Variants in GALNT15 observed in about 807,000 individuals in gnomAD.
GALNT15 encodes the protein UDP-GalNAc transferase T15.
In GALNT15, 67 loss-of-function variants were observed where a neutral mutation model predicts 66.8. The ratio of observed to expected loss-of-function variants is 1.00; its 90% CI spans 0.82 to 1.23. The LOEUF (loss-of-function observed/expected upper bound fraction) is 1.23, where lower values mean the gene tolerates loss of function less well. Ranked by LOEUF, GALNT15 falls within the 50% of genes most tolerant of loss-of-function variation. GALNT15 has a pLI of 0.00. For missense variants in GALNT15, 827 were observed against 804.3 expected (o/e 1.03, Z -0.34); for synonymous variants, 313 against 311.5 (o/e 1.00, Z -0.05).
At position 16,229,482 on chromosome 3, in the gene GALNT15, T is replaced by C. The variant is rs896115132; in HGVS notation, c.*1982T>C. ...TTCTGTTGGACCAATCTAGATAGATTCATTATCCCATCTAGAGAAGAGACT... is the reference window on the plus strand; with the variant it reads ...TTCTGTTGGACCAATCTAGATAGATCCATTATCCCATCTAGAGAAGAGACT... On this transcript the variant is annotated 3_prime_UTR_variant, in exon 10 of 10. Coordinates refer to ENST00000339732, the MANE Select transcript of GALNT15 (RefSeq NM_054110.5). The C allele has an allele frequency of 4.9e-5, 48 of 983,730 alleles. No individual in the cohort carries two copies. Among genetic ancestry groups the C allele is most frequent in the Non-Finnish European group, 5.8e-5 (48 of 828,458 alleles). 60.9% of individuals were successfully genotyped at this position (983,730 alleles called of 1,614,324 possible).
At position 16,211,299 on chromosome 3, in the gene GALNT15, A is replaced by G; in HGVS notation, c.1197+58A>G. The stretch of plus-strand genomic sequence containing the variant: ...GATCTCTGGAGTGGTGTGTATGGTC[A>G]CAGCTCAGAGGCAGGCATTAGAAAT... On this transcript the variant is annotated intron_variant, in intron 5 of 9. Coordinates refer to ENST00000339732, the MANE Select transcript of GALNT15 (RefSeq NM_054110.5). The surrounding 1 kb of genome is among the most constrained non-coding windows in gnomAD (Gnocchi z 4.3). 9.2e-7 allele frequency: 1 copy of G among 1,083,890 alleles called. No homozygotes were observed. Among genetic ancestry groups the G allele is most frequent in the South Asian group, 1.3e-5 (1 of 78,858 alleles). The allele number at this position is 1,083,890 out of a possible 1,614,324, so 67.1% of individuals were successfully genotyped here. A position where few individuals can be genotyped will look rare whatever the true frequency, so the allele number is the denominator to read the frequency against.
intron 4 of GALNT15, among the ~76,000 whole-genome samples, chr3:16,210,386 C>T (rs2063800250): frequency 6.6e-6 from 1 of 152,166 alleles, no homozygotes; most frequent in African/African-American, 2.4e-5. Context: ...TAATGCATTA[C>T]TATTTCTTTG....
At chr3:16,244,766 G>C in the GALNT15 span, among the ~76,000 whole-genome samples, 1 of 152,212 alleles carries the variant, frequency 6.6e-6, no homozygotes, top group Admixed American at 6.5e-5. Context: ...TAATATTCCA[G>C]ATATGAGCCA....
At chr3:16,221,075 T>A (rs2063937143) in intron 8 of GALNT15, among the ~76,000 whole-genome samples, 1 of 152,224 alleles carries the variant, frequency 6.6e-6, no homozygotes, top group African/African-American at 2.4e-5. Context: ...CTCTCTCATT[T>A]TCTAGCTGTG....
In GALNT15 at chr3:16,209,680, G is replaced by C. The variant is rs2063792803; in HGVS notation, c.1079+1010G>C. Among the ~76,000 whole-genome samples, 2 of 152,038 alleles carry C rather than the reference G, an allele frequency of 1.3e-5. No homozygotes were observed. Among genetic ancestry groups the C allele is most frequent in the Admixed American group, 6.6e-5 (1 of 15,266 alleles). On this transcript the variant is annotated intron_variant, in intron 4 of 9. Transcript: ENST00000339732. The surrounding 1 kb of genome is among the most constrained non-coding windows in gnomAD (Gnocchi z 4.1). ...TAAAATTACAAAAAAAAATTAGCTG[G>C]GCATGGTAGCACACTCCTGTAGTCC...
At position 16,222,712 on chromosome 3, in the gene GALNT15, C is replaced by G. The variant is rs372848556; in HGVS notation, c.1727C>G (p.Thr576Arg). Reference sequence around the variant, plus strand: ...GAGCAGGTGATTCTTCAGAACTGCACGGAGGAAGGCCTGGCCATCCACCAG... The same window carrying G: ...GAGCAGGTGATTCTTCAGAACTGCAGGGAGGAAGGCCTGGCCATCCACCAG... ...RQEQVILQNCTEEGLAIHQQH... is the reference protein window; with the variant it reads ...RQEQVILQNCREEGLAIHQQH... Residue 576 changes from threonine to arginine, a missense_variant, in exon 9 of 10, where the codon ACG becomes AGG. Physicochemically the swap from Thr to Arg is moderately conservative, Grantham distance 71. Transcript: ENST00000339732. 6.2e-7 allele frequency: 1 copy of G among 1,614,208 alleles called. No individual in the cohort carries two copies. The highest frequency in any genetic ancestry group is 1.3e-5 in the African/African-American group (1 of 75,056).
chr3:16,196,011 A>G lies in GALNT15; in HGVS notation c.706+85A>G, dbSNP rs1180113692. 3 of 1,421,786 alleles carry G rather than the reference A, an allele frequency of 2.1e-6. No homozygotes were observed. In the Admixed American group the frequency reaches 5.9e-5, roughly 28 times the overall value. 88.1% of individuals were successfully genotyped at this position (1,421,786 alleles called of 1,614,324 possible). ...TCTCAAGCAAAAGATTGAAGTTTGG[A>G]ACTATTTTAGGCAAGATTCCCCAAC... On this transcript the variant is annotated intron_variant, in intron 2 of 9. Coordinates refer to ENST00000339732, the MANE Select transcript of GALNT15 (RefSeq NM_054110.5).
chr3:16,216,310 CAACA>C lies in GALNT15; in HGVS notation c.1393-3092_1393-3089del, dbSNP rs541860326. On this transcript the variant is annotated intron_variant, in intron 6 of 9. Coordinates refer to ENST00000339732, the MANE Select transcript of GALNT15 (RefSeq NM_054110.5). ...ACCAGGAGCTCAAGACCAGCCTGGG[CAACA>C]TGGTGAAACCTTGTGTCTACAAAAA... Among the ~76,000 whole-genome samples the C allele has an allele frequency of 2.0e-3, 300 of 152,212 alleles. 2 individuals carry two copies. Among genetic ancestry groups the C allele is most frequent in the Middle Eastern group, 0.014 (4 of 294 alleles).
chr3:16,227,220 C>A lies in GALNT15; in HGVS notation c.1774-134C>A. ...TTTATATTTTATGTTGATCAAAATA[C>A]CACAATTCCTTTCCAGGCCAGTTCA... On this transcript the variant is annotated intron_variant, in intron 9 of 9. Coordinates refer to ENST00000339732, the MANE Select transcript of GALNT15 (RefSeq NM_054110.5). The surrounding 1 kb of genome is among the most constrained non-coding windows in gnomAD (Gnocchi z 4.5). 1 of 942,526 alleles carries A rather than the reference C, an allele frequency of 1.1e-6. No individual in the cohort carries two copies. Among genetic ancestry groups the A allele is most frequent in the Non-Finnish European group, 1.5e-6 (1 of 645,608 alleles). 58.4% of individuals were successfully genotyped at this position (942,526 alleles called of 1,614,324 possible).
In GALNT15 at chr3:16,187,918, T is replaced by C. The variant is rs2063533993; in HGVS notation, c.540-7842T>C. Among the ~76,000 whole-genome samples the C allele has an allele frequency of 6.6e-6, 1 of 152,138 alleles. No homozygotes were observed. Among genetic ancestry groups the C allele is most frequent in the Admixed American group, 6.5e-5 (1 of 15,278 alleles). ...ACCCTATTCCTCCATTCTCCCTCAG[T>C]GAAAACAAATCATAGACTCAAAGGT... On this transcript the variant is annotated intron_variant, in intron 1 of 9. Transcript: ENST00000339732. The surrounding 1 kb of genome is among the most constrained non-coding windows in gnomAD (Gnocchi z 5.1).
Position 16,208,570 on chromosome 3 carries a change from G to C in GALNT15, c.979G>C (p.Asp327His), listed in dbSNP as rs1292861384. ...GACTTTCCAGTATTACCCCTCAAAGGACCTGCAGCGTGGGGTGTTGGACTG... is the reference window on the plus strand; with the variant it reads ...GACTTTCCAGTATTACCCCTCAAAGCACCTGCAGCGTGGGGTGTTGGACTG... Reference protein sequence around the residue: ...WKTFQYYPSKDLQRGVLDWKL... With the variant: ...WKTFQYYPSKHLQRGVLDWKL... The change falls in exon 4 of 10, where the codon GAC becomes CAC. Residue 327 changes from aspartate to histidine, a missense_variant. Physicochemically the swap from Asp to His is moderately conservative, Grantham distance 81. Transcript: ENST00000339732. 6.2e-7 allele frequency: 1 copy of C among 1,614,102 alleles called. No homozygotes were observed. Among genetic ancestry groups the C allele is most frequent in the Admixed American group, 1.7e-5 (1 of 60,022 alleles).
At chr3:16,223,268 G>T (rs554554794) in intron 9 of GALNT15, among the ~76,000 whole-genome samples, 1 of 152,272 alleles carries the variant, frequency 6.6e-6, no homozygotes, top group African/African-American at 2.4e-5. Context: ...TACCCTGGGG[G>T]AAAGAAACTA....
chr3:16,211,849 A>G lies in GALNT15; in HGVS notation c.1197+608A>G, dbSNP rs972276015. 6.6e-6 allele frequency among the ~76,000 whole-genome samples: 1 copy of G among 152,242 alleles called. No individual in the cohort carries two copies. The highest frequency in any genetic ancestry group is 1.5e-5 in the Non-Finnish European group (1 of 68,048). On this transcript the variant is annotated intron_variant, in intron 5 of 9. Coordinates refer to ENST00000339732, the MANE Select transcript of GALNT15 (RefSeq NM_054110.5). The surrounding 1 kb of genome is among the most constrained non-coding windows in gnomAD (Gnocchi z 4.3). ...GAATTACCTGACGCTTGTATTCTGCATGAAGTCCAACAGATGTCACCGTGT... is the reference window on the plus strand; with the variant it reads ...GAATTACCTGACGCTTGTATTCTGCGTGAAGTCCAACAGATGTCACCGTGT...
chr3:16,232,126 A>T (rs192313715), downstream of GALNT15: 8 of 512,588 alleles, frequency 1.6e-5, no homozygotes, highest in East Asian at 3.6e-4. Flanking sequence ...CCCAAACCAT[A>T]TGGCTATAGT....
rs1364669854 is a variant in GALNT15, at chr3:16,181,360, C to G, written c.539+5670C>G. Among the ~76,000 whole-genome samples, 1 of 152,044 alleles carries G rather than the reference C, an allele frequency of 6.6e-6. No individual in the cohort carries two copies. The highest frequency in any genetic ancestry group is 1.9e-4 in the East Asian group (1 of 5,170). ...TATCGTGAAGCCAGGCTGCAAGGCCCCAGGTGGTCAATGGCTCTTCACAGC... is the reference window on the plus strand; with the variant it reads ...TATCGTGAAGCCAGGCTGCAAGGCCGCAGGTGGTCAATGGCTCTTCACAGC... On this transcript the variant is annotated intron_variant, in intron 1 of 9. Transcript: ENST00000339732. The surrounding 1 kb of genome is among the most constrained non-coding windows in gnomAD (Gnocchi z 5.9).
intron 6 of GALNT15, among the ~76,000 whole-genome samples, chr3:16,217,170 G>C (rs945739658): frequency 2.0e-5 from 3 of 152,340 alleles, no homozygotes; most frequent in African/African-American, 7.2e-5. Flanking sequence ...ACTATAAAAT[G>C]AAATGTGAAA....
chr3:16,174,802 A>G lies in GALNT15; in HGVS notation c.-350A>G. On this transcript the variant is annotated 5_prime_UTR_variant, in exon 1 of 10. Coordinates refer to ENST00000339732, the MANE Select transcript of GALNT15 (RefSeq NM_054110.5). The surrounding 1 kb of genome is among the most constrained non-coding windows in gnomAD (Gnocchi z 4.7). ...GCAACCTATTTATACAAAGGGGGAA[A>G]GAAACACCTGAGCAGAATGGAATCA... 3.7e-6 allele frequency: 1 copy of G among 270,388 alleles called. No individual in the cohort carries two copies. The highest frequency in any genetic ancestry group is 7.1e-6 in the Non-Finnish European group (1 of 141,074). 16.7% of individuals were successfully genotyped at this position (270,388 alleles called of 1,614,324 possible). A position where few individuals can be genotyped will look rare whatever the true frequency, so the allele number is the denominator to read the frequency against.
rs116155886 is a variant in GALNT15 at position 16,177,736 on chromosome 3, C to T, written c.539+2046C>T. ...TTGCTATTTGTTTTGCATATGTTCA[C>T]GTGGTGCATGTGTGCACAGGTATTG... On this transcript the variant is annotated intron_variant, in intron 1 of 9. Coordinates refer to ENST00000339732, the MANE Select transcript of GALNT15 (RefSeq NM_054110.5). Among the ~76,000 whole-genome samples, 978 of 152,304 alleles carry T rather than the reference C, an allele frequency of 6.4e-3. 6 individuals are homozygous for T. Among genetic ancestry groups the T allele is most frequent in the South Asian group, 0.014 (67 of 4,830 alleles).
chr3:16,195,517 T>C lies in GALNT15; in HGVS notation c.540-243T>C, dbSNP rs1043423220. On this transcript the variant is annotated intron_variant, in intron 1 of 9. Transcript: ENST00000339732. The surrounding 1 kb of genome is among the most constrained non-coding windows in gnomAD (Gnocchi z 4.6). ...GAGGATGACGGCAACGCTTCTCAAT[T>C]GCAATGAGAGGGACTTTGGATTAAA... Among the ~76,000 whole-genome samples, 7 of 152,178 alleles carry C rather than the reference T, an allele frequency of 4.6e-5. No homozygotes were observed. The highest frequency in any genetic ancestry group is 1.7e-4 in the African/African-American group (7 of 41,440).
Sources: gnomAD v4.1 joint callset for allele counts (sites outside exome capture counted in the v4.1 genomes callset) on GRCh38, gnomAD v4.1.1 for gene constraint, Gnocchi (gnomAD v3.1) non-coding constraint, MANE v1.5 for transcripts, NCBI Gene and HGNC (gene_info 2026-07-23, HGNC 2026-07-21) for gene names.